Variants in STPG2 observed in about 807,000 individuals in gnomAD.
STPG2 encodes sperm-tail PG-rich repeat-containing protein 2.
A neutral mutation model predicts 54.2 loss-of-function variants in STPG2; 56 were observed. The ratio of observed to expected loss-of-function variants is 1.03; its 90% CI spans 0.83 to 1.29. The LOEUF (loss-of-function observed/expected upper bound fraction) is 1.29. STPG2 is among the 50% of genes most tolerant of loss of function. The pLI, the probability that STPG2 is intolerant of heterozygous loss-of-function variation, is 0.00. For missense variants in STPG2, 596 were observed against 544.9 expected (o/e 1.09, Z -0.93); for synonymous variants, 200 against 181.8 (o/e 1.10, Z -0.81).
At chr4:97,783,986 G>A (rs1313926455) in intron 9 of STPG2, among the ~76,000 whole-genome samples, 2 of 151,264 alleles carry the variant, frequency 1.3e-5, no homozygotes, top group Non-Finnish European at 2.9e-5. Flanking sequence ...GTTAATGGGG[G>A]CAGCACACCA....
At chr4:98,067,806 G>A (rs1737878640) in intron 5 of STPG2, among the ~76,000 whole-genome samples, 1 of 152,044 alleles carries the variant, frequency 6.6e-6, no homozygotes, top group African/African-American at 2.4e-5. Context: ...AGTTTTGGTG[G>A]TTGAAGTCTT....
intron 5 of STPG2, among the ~76,000 whole-genome samples, chr4:97,981,633 G>T (rs1436969317): frequency 2.0e-5 from 3 of 151,270 alleles, no homozygotes; most frequent in South Asian, 2.1e-4. Context: ...AAAATATTCT[G>T]CCAGTTAATA....
chr4:97,555,705 C>G (rs1732062518), downstream of STPG2, among the ~76,000 whole-genome samples: 1 of 152,088 alleles, frequency 6.6e-6, no homozygotes, highest in Non-Finnish European at 1.5e-5. Context: ...TCACTATATG[C>G]TAAGCACTCA....
chr4:97,726,790 T>C (rs914188538), intron 9 of STPG2, among the ~76,000 whole-genome samples: 5 of 150,746 alleles, frequency 3.3e-5, no homozygotes, highest in African/African-American at 2.4e-5. Context: ...GCATATATCA[T>C]ACACACACAC....
chr4:98,004,499 A>G (rs1474320614), intron 5 of STPG2, among the ~76,000 whole-genome samples: 2 of 152,160 alleles, frequency 1.3e-5, no homozygotes, highest in Non-Finnish European at 2.9e-5. Flanking sequence ...CTTTGTCTAT[A>G]TACTCAGAAG....
intron 7 of STPG2, among the ~76,000 whole-genome samples, chr4:97,945,659 T>C (rs1256874861): frequency 6.6e-6 from 1 of 152,208 alleles, no homozygotes; most frequent in Non-Finnish European, 1.5e-5. Context: ...GAGATTGTAC[T>C]AACTTACACT....
intron 4 of STPG2, among the ~76,000 whole-genome samples, chr4:97,537,909 C>T (rs1731577886): frequency 6.6e-6 from 1 of 152,200 alleles, no homozygotes; most frequent in Admixed American, 6.5e-5. Context: ...TCTGCAGCCT[C>T]CGCTGCTGAT....
intron 7 of STPG2, among the ~76,000 whole-genome samples, chr4:97,964,655 AT>A (rs1734023597): frequency 6.6e-6 from 1 of 152,194 alleles, no homozygotes; most frequent in Non-Finnish European, 1.5e-5. Context: ...AGGGCAACAG[AT>A]TTCAAAGTAG....
intron 10 of STPG2, among the ~76,000 whole-genome samples, chr4:97,705,301 G>T: frequency 6.6e-6 from 1 of 151,402 alleles, no homozygotes; most frequent in African/African-American, 2.4e-5. Context: ...ACTTTCTGAA[G>T]TCTTACTCCC....
chr4:97,506,778 ATAAC>A (rs920011345), intron 4 of STPG2, among the ~76,000 whole-genome samples: 34 of 151,988 alleles, frequency 2.2e-4, no homozygotes, highest in African/African-American at 8.0e-4. Flanking sequence ...TATAAAATGT[ATAAC>A]TAATAAGCTA....
intron 5 of STPG2, among the ~76,000 whole-genome samples, chr4:98,033,159 C>T (rs28813740): frequency 0.061 from 9,248 of 151,284 alleles, 310 homozygotes; most frequent in Middle Eastern, 0.096. Flanking sequence ...ATCAATGAAT[C>T]CAGGAGCTAG....
chr4:98,133,372 ATG>A (rs537754964), intron 2 of STPG2, among the ~76,000 whole-genome samples: 81 of 152,132 alleles, frequency 5.3e-4, no homozygotes, highest in Non-Finnish European at 8.7e-4. Flanking sequence ...CCCTTTTCAC[ATG>A]TCCAGTTGTT....
intron 7 of STPG2, among the ~76,000 whole-genome samples, chr4:97,964,830 T>C (rs901679852): frequency 2.0e-5 from 3 of 152,190 alleles, no homozygotes; most frequent in Non-Finnish European, 2.9e-5. Flanking sequence ...TCTCTGCAGT[T>C]TTCACCTATT....
intron 8 of STPG2, among the ~76,000 whole-genome samples, chr4:97,878,883 GCT>G (rs1444983478): frequency 1.3e-5 from 2 of 151,950 alleles, no homozygotes; most frequent in Non-Finnish European, 2.9e-5. Context: ...AAGCTTTTAT[GCT>G]CTGTTTCCCT....
At chr4:98,061,974 C>T (rs949706484) in intron 5 of STPG2, among the ~76,000 whole-genome samples, 4 of 152,244 alleles carry the variant, frequency 2.6e-5, no homozygotes, top group Middle Eastern at 3.4e-3. Context: ...ATAAATGATT[C>T]TACCATAAAG....
At chr4:97,693,027 T>C (rs982310663) in intron 10 of STPG2, among the ~76,000 whole-genome samples, 18 of 151,800 alleles carry the variant, frequency 1.2e-4, no homozygotes, top group African/African-American at 4.4e-4. Flanking sequence ...AAGCCAGCAC[T>C]ACAAGAACTG....
chr4:97,721,075 C>T (rs1483680188), intron 9 of STPG2, among the ~76,000 whole-genome samples: 1 of 152,054 alleles, frequency 6.6e-6, no homozygotes, highest in African/African-American at 2.4e-5. Flanking sequence ...CAGGATTATA[C>T]TTTTGCCTTC....
At chr4:97,561,522 C>T (rs1732242676) in intron 10 of STPG2, among the ~76,000 whole-genome samples, 1 of 152,122 alleles carries the variant, frequency 6.6e-6, no homozygotes, top group Non-Finnish European at 1.5e-5. Flanking sequence ...AGTCCTTGCC[C>T]ATGCCTATGT....
intron 9 of STPG2, among the ~76,000 whole-genome samples, chr4:97,826,157 T>G (rs1728253600): frequency 6.6e-6 from 1 of 152,164 alleles, no homozygotes; most frequent in African/African-American, 2.4e-5. Context: ...TAACCAAGTT[T>G]TTCACCAAAA....
Sources: allele counts gnomAD v4.1 joint callset (sites outside exome capture counted in the v4.1 genomes callset), GRCh38; gene constraint gnomAD v4.1.1; transcripts MANE v1.5; gene names NCBI Gene and HGNC (gene_info 2026-07-23, HGNC 2026-07-21).